CDH12: variants seen among roughly 807,000 people sequenced by gnomAD.
CDH12 encodes the protein cadherin-12.
CDH12 carries 41 observed loss-of-function variants against 74.1 expected under a neutral mutation model. The observed-to-expected ratio is 0.55, with a 90% CI of 0.43 to 0.72. The LOEUF (loss-of-function observed/expected upper bound fraction) is 0.72, where lower values mean the gene tolerates loss of function less well. Among genes scored for constraint, CDH12 ranks in the 30% least tolerant of loss-of-function variants. The probability of loss-of-function intolerance (pLI) is 0.00; values close to 1 mark genes in which losing one functional copy is unlikely to be tolerated. For synonymous variants in CDH12, 399 were observed against 355.0 expected, an observed-to-expected ratio of 1.12 and a Z score of -1.39; for missense variants, 945 against 977.2, an observed-to-expected ratio of 0.97 and a Z score of 0.44.
At chr5:22,800,740 T>A (rs1748467089) in intron 1 of CDH12, among the ~76,000 whole-genome samples, 1 of 152,202 alleles carries the variant, frequency 6.6e-6, no homozygotes, top group Non-Finnish European at 1.5e-5. Context: ...ACTGAACTTT[T>A]TATTGTCTCT....
At chr5:22,291,149 C>G (rs1737371755) in intron 3 of CDH12, among the ~76,000 whole-genome samples, 1 of 152,018 alleles carries the variant, frequency 6.6e-6, no homozygotes, top group Non-Finnish European at 1.5e-5. Flanking sequence ...GCAGAAAAAG[C>G]ATTTGACAAA....
At chr5:22,151,005 T>A (rs867597197) in intron 4 of CDH12, among the ~76,000 whole-genome samples, 1 of 152,218 alleles carries the variant, frequency 6.6e-6, no homozygotes, top group Middle Eastern at 3.2e-3. Flanking sequence ...AAGAATTGTT[T>A]AGTTAAGAAA....
rs1395798081 is a variant in CDH12, at chr5:22,748,355, A to G, written c.-523+104703T>C. 2.0e-5 allele frequency among the ~76,000 whole-genome samples: 3 copies of G among 152,140 alleles called. No homozygotes were observed. In the East Asian group the frequency reaches 5.8e-4, roughly 29 times the overall value. On this transcript the variant is annotated intron_variant, in intron 1 of 14. Coordinates refer to ENST00000382254, the MANE Select transcript of CDH12 (RefSeq NM_004061.5). The stretch of plus-strand genomic sequence containing the variant: ...ATAAATGAATAGACTGGATGTAGCA[A>G]AGTGCTCCCAAAATATAGATAATAC...
intron 1 of CDH12, among the ~76,000 whole-genome samples, chr5:22,538,195 T>C (rs1436759622): frequency 6.6e-6 from 1 of 152,128 alleles, no homozygotes; most frequent in Non-Finnish European, 1.5e-5. Context: ...TTAACTACCA[T>C]CTCCGTCACA....
At chr5:22,465,411 G>A (rs1745687344) in intron 2 of CDH12, among the ~76,000 whole-genome samples, 1 of 152,098 alleles carries the variant, frequency 6.6e-6, no homozygotes, top group Non-Finnish European at 1.5e-5. Flanking sequence ...TTGTGAGGGC[G>A]AATAGGGGAG....
At chr5:22,319,236 A>G (rs1447780371) in intron 3 of CDH12, among the ~76,000 whole-genome samples, 2 of 152,208 alleles carry the variant, frequency 1.3e-5, no homozygotes, top group Non-Finnish European at 2.9e-5. Flanking sequence ...TAGAACAGAA[A>G]TAGAATCATT....
intron 1 of CDH12, among the ~76,000 whole-genome samples, chr5:22,737,659 G>A (rs945914319): frequency 2.0e-5 from 3 of 151,876 alleles, no homozygotes; most frequent in Admixed American, 6.6e-5. Flanking sequence ...AGACAGAATC[G>A]ACAAACTTAT....
rs1201149251 is a variant in CDH12, at chr5:22,138,842, C to T, written c.-186-59980G>A. 3.1e-3 allele frequency among the ~76,000 whole-genome samples: 120 copies of T among 39,058 alleles called. 1 individual carries two copies. Among genetic ancestry groups the T allele is most frequent in the African/African-American group, 9.5e-3 (103 of 10,830 alleles). The allele number at this position is 39,058 out of a possible 152,430, so 25.6% of individuals were successfully genotyped here. On this transcript the variant is annotated intron_variant, in intron 4 of 14. Coordinates refer to ENST00000382254, the MANE Select transcript of CDH12 (RefSeq NM_004061.5). ...TTGAATATATATGTGTACATATATACGTAATATATATATATATATATATAT... is the reference window on the plus strand; with the variant it reads ...TTGAATATATATGTGTACATATATATGTAATATATATATATATATATATAT...
At chr5:22,356,411 T>C (rs532351372) in intron 3 of CDH12, among the ~76,000 whole-genome samples, 1 of 152,284 alleles carries the variant, frequency 6.6e-6, no homozygotes, top group Admixed American at 6.5e-5. Context: ...CCATTTACAA[T>C]GAGTATGTAG....
At chr5:21,785,992 A>C (rs1303961715) in intron 10 of CDH12, among the ~76,000 whole-genome samples, 1 of 152,198 alleles carries the variant, frequency 6.6e-6, no homozygotes, top group East Asian at 1.9e-4. Flanking sequence ...TGACTCTCTT[A>C]GTAGAGGCTG....
intron 4 of CDH12, among the ~76,000 whole-genome samples, chr5:22,189,819 T>C (rs1750164024): frequency 6.8e-6 from 1 of 147,402 alleles, no homozygotes; most frequent in African/African-American, 2.5e-5. Flanking sequence ...ATCCAGGGGA[T>C]AACAGATGCC....
chr5:22,575,132 C>G (rs1013928291), intron 1 of CDH12, among the ~76,000 whole-genome samples: 2 of 152,144 alleles, frequency 1.3e-5, no homozygotes, highest in African/African-American at 4.8e-5. Flanking sequence ...CAACGTTTTA[C>G]ATGAATGCAA....
intron 6 of CDH12, among the ~76,000 whole-genome samples, chr5:21,909,530 C>G (rs1364360383): frequency 6.6e-6 from 1 of 152,052 alleles, no homozygotes; most frequent in South Asian, 2.1e-4. Context: ...TAGGCAGGTA[C>G]AATAAAGTAC....
intron 3 of CDH12, among the ~76,000 whole-genome samples, chr5:22,341,979 A>G (rs1211036273): frequency 6.6e-6 from 1 of 151,950 alleles, no homozygotes; most frequent in Non-Finnish European, 1.5e-5. Flanking sequence ...AACATTTCTC[A>G]CGGTTCTTGA....
rs1458408086 is a variant in CDH12 at position 22,415,264 on chromosome 5, C to T, written c.-427-9913G>A. 2.6e-5 allele frequency among the ~76,000 whole-genome samples: 4 copies of T among 151,704 alleles called. No homozygotes were observed. In the East Asian group the frequency reaches 7.7e-4, roughly 29 times the overall value. ...AAATTGACACATATGGGAAGTAATT[C>T]CCATTATAATTTTAAAACTTAATTT... is the stretch of plus-strand genomic sequence containing the variant. On this transcript the variant is annotated intron_variant, in intron 2 of 14. Coordinates refer to ENST00000382254, the MANE Select transcript of CDH12 (RefSeq NM_004061.5).
chr5:21,905,020 G>A (rs1753571165), intron 6 of CDH12, among the ~76,000 whole-genome samples: 1 of 152,182 alleles, frequency 6.6e-6, no homozygotes, highest in Admixed American at 6.6e-5. Context: ...ACATGGCTCA[G>A]CTATAAAAGC....
intron 1 of CDH12, among the ~76,000 whole-genome samples, chr5:22,851,305 A>G (rs181400218): frequency 1.4e-4 from 21 of 152,242 alleles, no homozygotes; most frequent in Non-Finnish European, 2.4e-4. Flanking sequence ...GTAGAAAATA[A>G]AAAAGCATTC....
At chr5:22,819,282 A>C in intron 1 of CDH12, among the ~76,000 whole-genome samples, 1 of 152,146 alleles carries the variant, frequency 6.6e-6, no homozygotes, top group East Asian at 1.9e-4. Flanking sequence ...CCATTTTTAC[A>C]ACAGAGAAAA....
At chr5:21,798,105 C>T (rs900603301) in intron 10 of CDH12, among the ~76,000 whole-genome samples, 1 of 152,014 alleles carries the variant, frequency 6.6e-6, no homozygotes, top group Non-Finnish European at 1.5e-5. Context: ...ATTCACCAGG[C>T]ATCTTCTACT....
Sources: allele counts gnomAD v4.1 joint callset (sites outside exome capture counted in the v4.1 genomes callset), GRCh38; gene constraint gnomAD v4.1.1; transcripts MANE v1.5; gene names NCBI Gene and HGNC (gene_info 2026-07-23, HGNC 2026-07-21).